The following SHISA9 variants were observed in gnomAD, a reference collection of about 807,000 sequenced individuals.
SHISA9 encodes shisa family member 9, also known as protein shisa-9.
A neutral mutation model predicts 38.0 loss-of-function variants in SHISA9; 13 were observed. The ratio of observed to expected loss-of-function variants is 0.34; its 90% CI spans 0.22 to 0.54. SHISA9 has a LOEUF of 0.54. Among genes scored for constraint, SHISA9 ranks in the 20% least tolerant of loss-of-function variants. SHISA9 has a pLI of 0.91. For synonymous variants in SHISA9, 275 were observed against 242.0 expected (o/e 1.14, Z -1.27); for missense variants, 538 against 575.8 (o/e 0.93, Z 0.67).
chr16:13,243,589 G>T (rs941364722), downstream of SHISA9, among the ~76,000 whole-genome samples: 5 of 152,090 alleles, frequency 3.3e-5, no homozygotes, highest in Admixed American at 2.0e-4. Context: ...TGAAGATGAA[G>T]CTTTTACCTA....
At chr16:13,455,684 G>T in the SHISA9 span, among the ~76,000 whole-genome samples, 4 of 152,040 alleles carry the variant, frequency 2.6e-5, no homozygotes, top group Non-Finnish European at 5.9e-5. Flanking sequence ...TTATTAATTC[G>T]GTGTGGAGTT....
intron 4 of SHISA9, among the ~76,000 whole-genome samples, chr16:13,219,214 G>A (rs573034318): frequency 4.6e-5 from 7 of 152,296 alleles, no homozygotes; most frequent in East Asian, 3.9e-4. Flanking sequence ...TAGTTTGGCC[G>A]TGTGTCCTTC....
chr16:13,187,477 G>A (rs2142037455), intron 2 of SHISA9, among the ~76,000 whole-genome samples: 2 of 151,920 alleles, frequency 1.3e-5, no homozygotes, highest in East Asian at 3.9e-4. Context: ...TGGAACTACA[G>A]ACGTGCACCA....
chr16:13,247,358 C>G, the SHISA9 span, among the ~76,000 whole-genome samples: 1 of 152,140 alleles, frequency 6.6e-6, no homozygotes, highest in Non-Finnish European at 1.5e-5. Flanking sequence ...ATGCTAGGAC[C>G]TTTACATACC....
chr16:12,981,199 A>G (rs1193924392), intron 2 of SHISA9, among the ~76,000 whole-genome samples: 3 of 152,244 alleles, frequency 2.0e-5, no homozygotes, highest in African/African-American at 7.2e-5. Context: ...TTCAGGGGCT[A>G]GGGGGTAGGT....
chr16:13,030,991 A>G (rs1220578464), intron 2 of SHISA9, among the ~76,000 whole-genome samples: 1 of 152,176 alleles, frequency 6.6e-6, no homozygotes, highest in African/African-American at 2.4e-5. Flanking sequence ...TGTGTATCCA[A>G]GTGACTGCAG....
intron 2 of SHISA9, among the ~76,000 whole-genome samples, chr16:13,019,764 TTTTC>T (rs548980425): frequency 0.17 from 12,944 of 77,748 alleles, 1,422 homozygotes; most frequent in Non-Finnish European, 0.18. Flanking sequence ...CTTTTCTTTC[TTTTC>T]TTTCTTTCTT....
chr16:13,379,407 C>T, the SHISA9 span, among the ~76,000 whole-genome samples: 4 of 152,076 alleles, frequency 2.6e-5, no homozygotes, highest in Non-Finnish European at 5.9e-5. Context: ...GACAATTTTC[C>T]CATCAGAGCT....
intron 4 of SHISA9, among the ~76,000 whole-genome samples, chr16:13,217,170 C>T (rs1021036776): frequency 1.3e-5 from 2 of 151,670 alleles, no homozygotes; most frequent in African/African-American, 4.8e-5. Context: ...CCCAGCTACT[C>T]GGGAGGCTGA....
chr16:13,451,070 C>T, the SHISA9 span, among the ~76,000 whole-genome samples: 3 of 151,796 alleles, frequency 2.0e-5, no homozygotes, highest in South Asian at 2.1e-4. Flanking sequence ...CCAGAGTGAA[C>T]GTGATGGAGA....
At chr16:13,196,299 A>C (rs1481212205) in intron 2 of SHISA9, among the ~76,000 whole-genome samples, 4 of 147,940 alleles carry the variant, frequency 2.7e-5, no homozygotes, top group African/African-American at 1.0e-4. Flanking sequence ...CGGGAGGCTG[A>C]GGCAGGAGAA....
In SHISA9 at chr16:12,902,470, G is replaced by C. The variant is rs1355387896; in HGVS notation, c.406G>C (p.Ala136Pro). The change falls in exon 1 of 5, where the codon GCC becomes CCC. Residue 136 changes from alanine to proline, a missense_variant. Ala to Pro is a conservative substitution (Grantham distance 27, BLOSUM62 -1). Transcript: ENST00000558583. ...CTGGCTCAACACCGGCAAGCCCCCC[G>C]CCCGCAAGGACGACCCCTTGCACGA... is the stretch of plus-strand genomic sequence containing the variant. ...PLWLNTGKPP[A>P]RKDDPLHDPT... is the part of the protein sequence containing the mutation. 1 of 1,551,448 alleles carries C rather than the reference G, an allele frequency of 6.4e-7. No homozygotes were observed. Among genetic ancestry groups the C allele is most frequent in the Non-Finnish European group, 8.7e-7 (1 of 1,146,990 alleles).
At chr16:13,282,903 C>T in the SHISA9 span, among the ~76,000 whole-genome samples, 1 of 151,912 alleles carries the variant, frequency 6.6e-6, no homozygotes, top group East Asian at 1.9e-4. Flanking sequence ...TTACATTTTC[C>T]TTTAGGTTTT....
At chr16:12,935,824 G>T (rs964525228) in intron 2 of SHISA9, among the ~76,000 whole-genome samples, 4 of 149,980 alleles carry the variant, frequency 2.7e-5, no homozygotes, top group African/African-American at 4.9e-5. Context: ...ACTCCAGCCT[G>T]GGAAACAGAA....
intron 2 of SHISA9, among the ~76,000 whole-genome samples, chr16:13,078,809 C>A (rs2073614115): frequency 6.6e-6 from 1 of 152,186 alleles, no homozygotes; most frequent in Non-Finnish European, 1.5e-5. Flanking sequence ...TTGATGGAGT[C>A]CATGTCTCCT....
At chr16:13,057,940 T>C (rs1013441078) in intron 2 of SHISA9, among the ~76,000 whole-genome samples, 1 of 152,228 alleles carries the variant, frequency 6.6e-6, no homozygotes, top group Non-Finnish European at 1.5e-5. Context: ...CTGAGGATAA[T>C]GGCTTCAAGC....
At chr16:13,443,326 T>C in the SHISA9 span, among the ~76,000 whole-genome samples, 3 of 152,218 alleles carry the variant, frequency 2.0e-5, no homozygotes, top group Admixed American at 2.0e-4. Flanking sequence ...GGATGTCATA[T>C]AGACCAAATG....
At chr16:13,241,800 G>C (rs1196736333), downstream of SHISA9, among the ~76,000 whole-genome samples, 1 of 152,200 alleles carries the variant, frequency 6.6e-6, no homozygotes. Flanking sequence ...ACCCAGAGCA[G>C]ATCCCCTGGG....
At chr16:13,458,558 A>T in the SHISA9 span, 1 of 423,354 alleles carries the variant, frequency 2.4e-6, no homozygotes, top group Non-Finnish European at 4.7e-6. Context: ...CAAAATGATG[A>T]ACTTGAACAG....
Sources: gnomAD v4.1 joint callset for allele counts (sites outside exome capture counted in the v4.1 genomes callset) on GRCh38, gnomAD v4.1.1 for gene constraint, MANE v1.5 for transcripts, NCBI Gene and HGNC (gene_info 2026-07-23, HGNC 2026-07-21) for gene names.